Variants in GSE1 observed in about 807,000 individuals in gnomAD.
GSE1 encodes genetic suppressor element 1.
GSE1 carries 32 observed loss-of-function variants against 112.6 expected under a neutral mutation model. The observed-to-expected ratio is 0.28, with a 90% CI of 0.21 to 0.38. The LOEUF (loss-of-function observed/expected upper bound fraction) is 0.38, where lower values mean the gene tolerates loss of function less well. Among genes scored for constraint, GSE1 ranks in the 10% least tolerant of loss-of-function variants. GSE1 has a pLI of 1.00. For missense variants in GSE1, 2,348 were observed against 1,699.2 expected (o/e 1.38, Z -6.71); for synonymous variants, 1,115 against 735.6 (o/e 1.52, Z -8.35).
intron 2 of GSE1, among the ~76,000 whole-genome samples, chr16:85,513,258 C>T (rs960680459): frequency 6.6e-6 from 1 of 152,054 alleles, no homozygotes; most frequent in African/African-American, 2.4e-5. Context: ...GGTTTTCCCT[C>T]CCGGCTCAGA....
intron 2 of GSE1, among the ~76,000 whole-genome samples, chr16:85,398,283 C>G (rs948999756): frequency 6.6e-6 from 1 of 152,102 alleles, no homozygotes. Context: ...GTTAACATGT[C>G]GTGATTTGCA....
intron 2 of GSE1, among the ~76,000 whole-genome samples, chr16:85,464,265 G>A (rs893363897): frequency 6.6e-6 from 1 of 152,142 alleles, no homozygotes; most frequent in Non-Finnish European, 1.5e-5. Flanking sequence ...TAGTCCAGTG[G>A]GTAGAAAGAG....
At chr16:85,454,265 C>T (rs2049763717) in intron 2 of GSE1, among the ~76,000 whole-genome samples, 1 of 152,316 alleles carries the variant, frequency 6.6e-6, no homozygotes, top group South Asian at 2.1e-4. Context: ...ATTTTCATAC[C>T]CTCCGAGCTT....
intron 2 of GSE1, among the ~76,000 whole-genome samples, chr16:85,438,425 C>G (rs2049303024): frequency 6.6e-6 from 1 of 152,226 alleles, no homozygotes; most frequent in African/African-American, 2.4e-5. Context: ...CCCAGAGGTC[C>G]TTCGTGGGCA....
At chr16:85,397,655 G>A (rs1168429159) in intron 2 of GSE1, among the ~76,000 whole-genome samples, 2 of 152,226 alleles carry the variant, frequency 1.3e-5, no homozygotes, top group East Asian at 1.9e-4. Context: ...ACCAGGGTGC[G>A]GGAGGCACCA....
At chr16:85,391,186 T>C (rs1200133829) in intron 2 of GSE1, among the ~76,000 whole-genome samples, 1 of 152,214 alleles carries the variant, frequency 6.6e-6, no homozygotes, top group Admixed American at 6.5e-5. Context: ...GCAATGAGAA[T>C]GGTCCCAGCA....
At chr16:85,464,332 T>TG (rs1212601286) in intron 2 of GSE1, among the ~76,000 whole-genome samples, 3 of 142,622 alleles carry the variant, frequency 2.1e-5, no homozygotes, top group African/African-American at 7.8e-5. Flanking sequence ...AGCGCTCTCC[T>TG]GGGGGGCCGG....
intron 2 of GSE1, among the ~76,000 whole-genome samples, chr16:85,488,181 C>T (rs916673433): frequency 2.6e-5 from 4 of 152,170 alleles, no homozygotes; most frequent in African/African-American, 7.2e-5. Context: ...TCCTTCCTCC[C>T]AGGGGACATG....
intron 2 of GSE1, among the ~76,000 whole-genome samples, chr16:85,452,861 G>A (rs1311414572): frequency 6.6e-6 from 1 of 152,204 alleles, no homozygotes; most frequent in Non-Finnish European, 1.5e-5. Context: ...TCTGCCAGGC[G>A]CTGGGCTAGG....
intron 1 of GSE1, among the ~76,000 whole-genome samples, chr16:85,559,954 C>T (rs570542927): frequency 3.3e-5 from 5 of 152,232 alleles, no homozygotes; most frequent in South Asian, 4.2e-4. Context: ...AGTTTGCCCA[C>T]GCTCTGTTGC....
At chr16:85,663,824 C>T (rs781265080) in intron 11 of GSE1, among the ~76,000 whole-genome samples, 1 of 152,238 alleles carries the variant, frequency 6.6e-6, no homozygotes, top group African/African-American at 2.4e-5. Flanking sequence ...TCTGAGAGCC[C>T]CACCATCTTG....
intron 1 of GSE1, among the ~76,000 whole-genome samples, chr16:85,331,493 GTATATGTGTATATATGTA>G (rs1296636318): frequency 4.4e-5 from 5 of 112,912 alleles, no homozygotes; most frequent in Non-Finnish European, 7.8e-5. Flanking sequence ...GTATATATGT[GTATATGTGTATATATGTA>G]TATATGTGTA....
At chr16:85,497,656 C>T (rs1464372249) in intron 2 of GSE1, among the ~76,000 whole-genome samples, 6 of 152,248 alleles carry the variant, frequency 3.9e-5, no homozygotes, top group African/African-American at 1.2e-4. Flanking sequence ...ACACCTTTGT[C>T]ACATCTACAA....
chr16:85,589,923 A>G (rs1446192370), intron 1 of GSE1, among the ~76,000 whole-genome samples: 2 of 152,104 alleles, frequency 1.3e-5, no homozygotes, highest in Non-Finnish European at 2.9e-5. Context: ...GTGATTGAGC[A>G]TGAATGTGAA....
At chr16:85,554,808 C>A, upstream of GSE1, 1 of 724,434 alleles carries the variant, frequency 1.4e-6, no homozygotes, top group Non-Finnish European at 1.5e-6. Flanking sequence ...GACGGGCGGG[C>A]GGGCGGGCGG....
At chr16:85,413,420 C>T (rs1232232854) in intron 2 of GSE1, among the ~76,000 whole-genome samples, 1 of 152,010 alleles carries the variant, frequency 6.6e-6, no homozygotes, top group Non-Finnish European at 1.5e-5. Flanking sequence ...CTGTGACCCC[C>T]AAGCATGGCG....
intron 1 of GSE1, among the ~76,000 whole-genome samples, chr16:85,192,737 G>A (rs924298048): frequency 1.3e-5 from 2 of 152,248 alleles, no homozygotes; most frequent in Admixed American, 6.5e-5. Context: ...GATCAGGAGG[G>A]GGATATTCTC....
At position 85,423,474 on chromosome 16, in the gene GSE1, G is replaced by A. The variant is rs374618369; in HGVS notation, c.2464+65831G>A. On this transcript the variant is annotated intron_variant, in intron 2 of 2. Coordinates refer to the GSE1 transcript ENST00000637419. ...CATCCAGCTGGTCTGGGGTGGCAGG[G>A]TTTGGCTTGCTTAAAGCTGGCGATT... is the stretch of plus-strand genomic sequence containing the variant. Among the ~76,000 whole-genome samples the A allele has an allele frequency of 8.8e-4, 134 of 152,360 alleles. 4 individuals carry two copies. In the South Asian group the frequency reaches 0.026, roughly 30 times the overall value.
intron 1 of GSE1, among the ~76,000 whole-genome samples, chr16:85,193,977 G>A (rs551314295): frequency 4.6e-5 from 7 of 152,142 alleles, no homozygotes; most frequent in South Asian, 2.1e-4. Context: ...GTGCGCGCGC[G>A]TGTTTGTGTG....
Sources: gnomAD v4.1 joint callset for allele counts (sites outside exome capture counted in the v4.1 genomes callset) on GRCh38, gnomAD v4.1.1 for gene constraint, MANE v1.5 for transcripts, NCBI Gene and HGNC (gene_info 2026-07-23, HGNC 2026-07-21) for gene names.